Variants in BCAS3 observed in about 807,000 individuals in gnomAD.
The protein encoded by BCAS3 is BCAS3 microtubule associated cell migration factor.
In BCAS3, 53 loss-of-function variants were observed where a neutral mutation model predicts 116.1. That is an observed-to-expected ratio of 0.46 (90% CI 0.37 to 0.57). The LOEUF is 0.57. BCAS3 is among the 20% of genes least tolerant of loss of function. The pLI, the probability that BCAS3 is intolerant of heterozygous loss-of-function variation, is 0.00. For synonymous variants in BCAS3, 391 were observed against 408.2 expected (o/e 0.96, Z 0.51); for missense variants, 917 against 1,165.4 (o/e 0.79, Z 3.10).
At position 61,124,289 on chromosome 17, in the gene BCAS3, A is replaced by G. The variant is rs1051015318; in HGVS notation, c.2425+39725A>G. ...CATGAAGTGATAATACCATTAATCT[A>G]TTAACAAATAATTGCCCTTGGGTTC... is the stretch of plus-strand genomic sequence containing the variant. On this transcript the variant is annotated intron_variant, in intron 22 of 23. Coordinates refer to ENST00000407086, the MANE Select transcript of BCAS3 (RefSeq NM_017679.5). This position sits in a 1 kb window ranked among gnomAD's most constrained non-coding sequence, Gnocchi z 4.6. Among the ~76,000 whole-genome samples, 6 of 152,162 alleles carry G rather than the reference A, an allele frequency of 3.9e-5. No homozygotes were observed. The highest frequency in any genetic ancestry group is 1.2e-4 in the African/African-American group (5 of 41,446).
intron 23 of BCAS3, among the ~76,000 whole-genome samples, chr17:61,371,849 G>T (rs537135621): frequency 6.6e-6 from 1 of 152,194 alleles, no homozygotes; most frequent in African/African-American, 2.4e-5. Flanking sequence ...GGATCCCTGC[G>T]CATGCTGAAG....
rs1021362451 is a variant in BCAS3 at position 61,106,446 on chromosome 17, A to G, written c.2425+21882A>G. Among the ~76,000 whole-genome samples, 1 of 152,258 alleles carries G rather than the reference A, an allele frequency of 6.6e-6. No homozygotes were observed. The highest frequency in any genetic ancestry group is 2.4e-5 in the African/African-American group (1 of 41,474). Reference sequence around the variant, plus strand: ...TTGTCTGGGAGTAATAAAAGAGGTTATAGCATATAGCTTAGGTGTGTTGTA... The same window carrying G: ...TTGTCTGGGAGTAATAAAAGAGGTTGTAGCATATAGCTTAGGTGTGTTGTA... On this transcript the variant is annotated intron_variant, in intron 22 of 23. Coordinates refer to ENST00000407086, the MANE Select transcript of BCAS3 (RefSeq NM_017679.5). The surrounding 1 kb of genome is among the most constrained non-coding windows in gnomAD (Gnocchi z 4.2).
chr17:60,874,561 C>T, intron 8 of BCAS3, 101 bp from the exon 9 acceptor site: 1 of 700,114 alleles, frequency 1.4e-6, no homozygotes, highest in Non-Finnish European at 2.4e-6. Flanking sequence ...TATTAGTAGG[C>T]ACTTGTTTTC....
chr17:60,812,609 T>C (rs1297950526), intron 7 of BCAS3, among the ~76,000 whole-genome samples: 2 of 152,188 alleles, frequency 1.3e-5, no homozygotes, highest in Non-Finnish European at 2.9e-5. Context: ...TTTGGAGGGC[T>C]CTGCTCTGCT....
In BCAS3 at chr17:61,204,225, ACACTTTTCT is replaced by A. The variant is rs2081000042; in HGVS notation, c.2425+119664_2425+119672del. ...CTTTCAGTGTTTTATTTTTAAGTCA[ACACTTTTCT>A]CAAGTTTATTTGTGCTAAACCAAAT... On this transcript the variant is annotated intron_variant, in intron 22 of 23. Coordinates refer to ENST00000407086, the MANE Select transcript of BCAS3 (RefSeq NM_017679.5). This position sits in a 1 kb window ranked among gnomAD's most constrained non-coding sequence, Gnocchi z 4.2. Among the ~76,000 whole-genome samples the A allele has an allele frequency of 2.0e-5, 3 of 152,142 alleles. No homozygotes were observed. The highest frequency in any genetic ancestry group is 2.0e-4 in the Admixed American group (3 of 15,264).
intron 22 of BCAS3, among the ~76,000 whole-genome samples, chr17:61,334,664 CAAAAAAAAAAAAAA>C (rs35400660): frequency 2.0e-5 from 1 of 50,892 alleles, no homozygotes; most frequent in South Asian, 9.7e-4. Flanking sequence ...AACTCCATCT[CAAAAAAAAAAAAAA>C]AAAAAAAAAA....
intron 13 of BCAS3, among the ~76,000 whole-genome samples, chr17:60,946,208 T>A (rs1354964651): frequency 6.6e-6 from 1 of 152,224 alleles, no homozygotes; most frequent in African/African-American, 2.4e-5. Context: ...CTTCAAGAAG[T>A]CTTTCTGGAA....
rs1416837860 is a variant in BCAS3 at position 60,709,203 on chromosome 17, C to T, written c.215-16C>T. The T allele has an allele frequency of 3.8e-6, 5 of 1,330,066 alleles. No homozygotes were observed. Among genetic ancestry groups the T allele is most frequent in the Non-Finnish European group, 5.3e-6 (5 of 934,938 alleles). 82.4% of individuals were successfully genotyped at this position (1,330,066 alleles called of 1,614,324 possible). A position where few individuals can be genotyped will look rare whatever the true frequency, so the allele number is the denominator to read the frequency against. On this transcript the variant is annotated splice_polypyrimidine_tract_variant and intron_variant, in intron 4 of 23. Coordinates refer to ENST00000407086, the MANE Select transcript of BCAS3 (RefSeq NM_017679.5). ...GTCTTTTAAATTTGCTTCTTTGTTA[C>T]TTAATTCTAATGCAGATACATCAAG...
At chr17:61,099,749 A>G (rs950746394) in intron 22 of BCAS3, among the ~76,000 whole-genome samples, 6 of 152,172 alleles carry the variant, frequency 3.9e-5, no homozygotes, top group Non-Finnish European at 7.3e-5. Flanking sequence ...GGACTGGTAA[A>G]CATCTGTTGA....
At chr17:61,294,451 T>C (rs2052712097) in intron 22 of BCAS3, among the ~76,000 whole-genome samples, 1 of 152,210 alleles carries the variant, frequency 6.6e-6, no homozygotes, top group Non-Finnish European at 1.5e-5. Flanking sequence ...AGCGTGGTAT[T>C]TGGAATTCCT....
intron 22 of BCAS3, among the ~76,000 whole-genome samples, chr17:61,230,200 A>G (rs2082594394): frequency 6.6e-6 from 1 of 151,968 alleles, no homozygotes; most frequent in South Asian, 2.1e-4. Flanking sequence ...GCATATATGT[A>G]TACTTTGTTT....
At chr17:61,206,395 G>A (rs888714959) in intron 22 of BCAS3, among the ~76,000 whole-genome samples, 1 of 152,102 alleles carries the variant, frequency 6.6e-6, no homozygotes, top group Admixed American at 6.6e-5. Flanking sequence ...AAATCAGTAA[G>A]GTCATACTTA....
rs192781033 is a variant in BCAS3, at chr17:61,047,745, C to T, written c.2029+6853C>T. ...AGACAATAACTTTTTCTTCAGTCTGCTGTAGAGCTTCCAATTTGTAAATTA... is the reference window on the plus strand; with the variant it reads ...AGACAATAACTTTTTCTTCAGTCTGTTGTAGAGCTTCCAATTTGTAAATTA... On this transcript the variant is annotated intron_variant, in intron 19 of 23. Coordinates refer to ENST00000407086, the MANE Select transcript of BCAS3 (RefSeq NM_017679.5). Among the ~76,000 whole-genome samples the T allele has an allele frequency of 1.5e-3, 225 of 152,164 alleles. 2 individuals carry two copies. The highest frequency in any genetic ancestry group is 4.7e-3 in the African/African-American group (194 of 41,562).
intron 22 of BCAS3, among the ~76,000 whole-genome samples, chr17:61,177,659 G>T (rs1281059061): frequency 6.6e-6 from 1 of 152,168 alleles, no homozygotes. Context: ...GTATACATAT[G>T]TTAAAACTTG....
At chr17:60,763,608 T>C (rs1329627767) in intron 6 of BCAS3, among the ~76,000 whole-genome samples, 9 of 150,842 alleles carry the variant, frequency 6.0e-5, no homozygotes, top group South Asian at 2.1e-4. Flanking sequence ...CAGTATTTTA[T>C]TGAGGATTTT....
At chr17:60,759,017 T>C (rs1011464689) in intron 6 of BCAS3, among the ~76,000 whole-genome samples, 2 of 151,974 alleles carry the variant, frequency 1.3e-5, no homozygotes. Context: ...CTCCCTCTTT[T>C]GCCTGGAGTG....
At position 61,107,082 on chromosome 17, in the gene BCAS3, C is replaced by CTTTTTTTTTTTTTT; in HGVS notation, c.2425+22527_2425+22540dup. On this transcript the variant is annotated intron_variant, in intron 22 of 23. Transcript: ENST00000407086. Reference sequence around the variant, plus strand: ...TCTTGCTTTGCTAACACTAGGCTTACTTTTTTTTTTTTTTTTTTTTTTGAG... The same window carrying CTTTTTTTTTTTTTT: ...TCTTGCTTTGCTAACACTAGGCTTACTTTTTTTTTTTTTTTTTTTTTTTTTTTTTTTTTTTTGAG... 2.8e-5 allele frequency among the ~76,000 whole-genome samples: 3 copies of CTTTTTTTTTTTTTT among 106,388 alleles called. 1 individual carries two copies. Among genetic ancestry groups the CTTTTTTTTTTTTTT allele is most frequent in the Non-Finnish European group, 5.2e-5 (3 of 57,650 alleles). The allele number at this position is 106,388 out of a possible 152,430, so 69.8% of individuals were successfully genotyped here. A position where few individuals can be genotyped will look rare whatever the true frequency, so the allele number is the denominator to read the frequency against.
intron 23 of BCAS3, among the ~76,000 whole-genome samples, chr17:61,372,201 C>G (rs2059083555): frequency 6.6e-6 from 1 of 152,154 alleles, no homozygotes; most frequent in African/African-American, 2.4e-5. Flanking sequence ...CCTCATAGCC[C>G]CGCCCCCATT....
rs138730340 is a variant in BCAS3, at chr17:60,989,766, A to G, written c.1222-205A>G. 3.1e-3 allele frequency among the ~76,000 whole-genome samples: 466 copies of G among 152,288 alleles called. 1 individual carries two copies. The highest frequency in any genetic ancestry group is 4.8e-3 in the Non-Finnish European group (324 of 68,026). On this transcript the variant is annotated intron_variant, in intron 14 of 23. Coordinates refer to ENST00000407086, the MANE Select transcript of BCAS3 (RefSeq NM_017679.5). ...TCTTCAGGATCCTGTATCCCTGACT[A>G]TTGAAGTAACATTCTACCTAATGGA...
Sources: gnomAD v4.1 joint callset for allele counts (sites outside exome capture counted in the v4.1 genomes callset) on GRCh38, gnomAD v4.1.1 for gene constraint, Gnocchi (gnomAD v3.1) non-coding constraint, MANE v1.5 for transcripts, NCBI Gene and HGNC (gene_info 2026-07-23, HGNC 2026-07-21) for gene names.